The following KIAA0825 variants were observed in gnomAD, a reference collection of about 807,000 sequenced individuals.
KIAA0825 encodes KIAA0825.
Under a neutral mutation model 147.6 loss-of-function variants are expected in KIAA0825, and 119 were observed. The ratio of observed to expected loss-of-function variants is 0.81; its 90% CI spans 0.69 to 0.94. The LOEUF is 0.94. Among genes scored for constraint, KIAA0825 ranks in the 40% least tolerant of loss-of-function variants. The pLI is 0.00. For synonymous variants in KIAA0825, 470 were observed against 518.1 expected (o/e 0.91, Z 1.26); for missense variants, 1,381 against 1,472.7 (o/e 0.94, Z 1.02).
chr5:94,175,937 C>T (rs1324661424), intron 20 of KIAA0825, among the ~76,000 whole-genome samples: 1 of 152,052 alleles, frequency 6.6e-6, no homozygotes, highest in Non-Finnish European at 1.5e-5. Context: ...AAAGGTTATC[C>T]TCATTGATGT....
intron 14 of KIAA0825, among the ~76,000 whole-genome samples, chr5:94,424,489 A>G (rs1029941248): frequency 4.6e-5 from 7 of 152,160 alleles, no homozygotes; most frequent in Non-Finnish European, 1.0e-4. Context: ...AAATTTAAAC[A>G]CAATAAAACC....
intron 20 of KIAA0825, among the ~76,000 whole-genome samples, chr5:94,249,756 C>G (rs951835684): frequency 1.3e-5 from 2 of 149,018 alleles, no homozygotes; most frequent in Admixed American, 1.3e-4. Flanking sequence ...CTCTATGTGA[C>G]ATCATATTAT....
intron 2 of KIAA0825, among the ~76,000 whole-genome samples, chr5:94,578,777 G>T (rs998011139): frequency 4.6e-5 from 7 of 152,188 alleles, no homozygotes; most frequent in Non-Finnish European, 8.8e-5. Context: ...AGTCACCTAA[G>T]TACATTGTTA....
intron 20 of KIAA0825, among the ~76,000 whole-genome samples, chr5:94,222,553 A>G (rs1167258812): frequency 6.6e-6 from 1 of 152,208 alleles, no homozygotes; most frequent in Non-Finnish European, 1.5e-5. Flanking sequence ...ATGTAGAAAA[A>G]GAGCAAGGAT....
chr5:94,541,432 G>A (rs1311027276), intron 2 of KIAA0825, among the ~76,000 whole-genome samples: 1 of 152,206 alleles, frequency 6.6e-6, no homozygotes, highest in Non-Finnish European at 1.5e-5. Context: ...AGGAAGTCAT[G>A]GGAATGTGGA....
rs185243154 is a variant in KIAA0825, at chr5:94,264,211, A to G, written c.3711-110087T>C. ...TTGACTTTTCATCTGCATTCTGATA[A>G]CACATTAAACACACATACAATAATG... is the stretch of plus-strand genomic sequence containing the variant. On this transcript the variant is annotated intron_variant, in intron 20 of 20. Transcript: ENST00000682413. Among the ~76,000 whole-genome samples, 11 of 152,302 alleles carry G rather than the reference A, an allele frequency of 7.2e-5. No homozygotes were observed. In the East Asian group the frequency reaches 2.1e-3, roughly 29 times the overall value.
intron 20 of KIAA0825, among the ~76,000 whole-genome samples, chr5:94,233,040 A>G (rs1774828396): frequency 6.6e-6 from 1 of 152,208 alleles, no homozygotes; most frequent in Non-Finnish European, 1.5e-5. Context: ...TTTTAAAATT[A>G]TACATTTTTT....
intron 20 of KIAA0825, among the ~76,000 whole-genome samples, chr5:94,365,295 T>C (rs1322665270): frequency 1.3e-5 from 2 of 152,124 alleles, no homozygotes; most frequent in African/African-American, 4.8e-5. Flanking sequence ...GCGTCCTCAA[T>C]TCCCTTGGCG....
intron 15 of KIAA0825, among the ~76,000 whole-genome samples, chr5:94,410,503 G>A (rs952324595): frequency 5.9e-5 from 9 of 152,044 alleles, no homozygotes; most frequent in Non-Finnish European, 1.2e-4. Context: ...TAAACCCTAG[G>A]CAGAAAAAAA....
chr5:94,557,751 T>G (rs1330126537), intron 2 of KIAA0825, among the ~76,000 whole-genome samples: 1 of 152,206 alleles, frequency 6.6e-6, no homozygotes, highest in Non-Finnish European at 1.5e-5. Flanking sequence ...CCAGATATAA[T>G]CCCAGGCATT....
At chr5:94,564,003 G>A (rs1052146207) in intron 2 of KIAA0825, among the ~76,000 whole-genome samples, 1 of 151,948 alleles carries the variant, frequency 6.6e-6, no homozygotes, top group Non-Finnish European at 1.5e-5. Flanking sequence ...TCCTTTATAA[G>A]TTAGGCCTGA....
chr5:94,423,002 G>T (rs970723883), intron 14 of KIAA0825, among the ~76,000 whole-genome samples: 15 of 152,178 alleles, frequency 9.9e-5, no homozygotes, highest in African/African-American at 3.6e-4. Flanking sequence ...AAGGAAGTAG[G>T]TATGGCTGTC....
At chr5:94,242,338 T>C (rs1044146875) in intron 20 of KIAA0825, among the ~76,000 whole-genome samples, 1 of 152,186 alleles carries the variant, frequency 6.6e-6, no homozygotes, top group Admixed American at 6.5e-5. Context: ...ACTATCAGCA[T>C]GCTTTCATTC....
chr5:94,217,033 T>C (rs373414261), intron 20 of KIAA0825, among the ~76,000 whole-genome samples: 81 of 152,294 alleles, frequency 5.3e-4, no homozygotes, highest in African/African-American at 1.8e-3. Flanking sequence ...TATTATGACA[T>C]ATCCATGTTG....
At chr5:94,181,506 C>T (rs1053882257) in intron 20 of KIAA0825, among the ~76,000 whole-genome samples, 3 of 152,054 alleles carry the variant, frequency 2.0e-5, no homozygotes, top group Non-Finnish European at 4.4e-5. Context: ...ATCCAAAGAC[C>T]ATAATTTAAA....
At position 94,580,384 on chromosome 5, in the gene KIAA0825, T is replaced by C. The variant is rs1376714; in HGVS notation, c.-2+2049A>G. 2.8e-3 allele frequency among the ~76,000 whole-genome samples: 427 copies of C among 152,356 alleles called. 2 individuals are homozygous for C. The highest frequency in any genetic ancestry group is 0.01 in the African/African-American group (420 of 41,586). ...AACAACTGTGGTATAAATTCTATTATATTTACTTTTCTAAATTAAAACTAG... is the reference window on the plus strand; with the variant it reads ...AACAACTGTGGTATAAATTCTATTACATTTACTTTTCTAAATTAAAACTAG... On this transcript the variant is annotated intron_variant, in intron 2 of 20. Transcript: ENST00000682413.
chr5:94,566,325 A>T (rs2152310216), intron 2 of KIAA0825, among the ~76,000 whole-genome samples: 1 of 152,318 alleles, frequency 6.6e-6, no homozygotes, highest in African/African-American at 2.4e-5. Flanking sequence ...TTATCATCCA[A>T]ATCAGGACTT....
At chr5:94,534,638 AT>A (rs963060548) in intron 3 of KIAA0825, among the ~76,000 whole-genome samples, 19 of 152,200 alleles carry the variant, frequency 1.2e-4, no homozygotes, top group South Asian at 4.1e-4. Flanking sequence ...CCTAATAACT[AT>A]TTTTTAATGC....
intron 6 of KIAA0825, among the ~76,000 whole-genome samples, chr5:94,483,669 A>G (rs1762731430): frequency 6.6e-6 from 1 of 151,650 alleles, no homozygotes; most frequent in African/African-American, 2.4e-5. Flanking sequence ...TGAAAAAGTA[A>G]TCTATGTTAT....
Sources: gnomAD v4.1 joint callset for allele counts (sites outside exome capture counted in the v4.1 genomes callset) on GRCh38, gnomAD v4.1.1 for gene constraint, MANE v1.5 for transcripts, NCBI Gene and HGNC (gene_info 2026-07-23, HGNC 2026-07-21) for gene names.